SURF2: variants seen among roughly 807,000 people sequenced by gnomAD.
SURF2 encodes surfeit locus protein 2.
SURF2 carries 32 observed loss-of-function variants against 26.2 expected under a neutral mutation model. That is an observed-to-expected ratio of 1.22 (90% confidence interval 0.92 to 1.64). The LOEUF (loss-of-function observed/expected upper bound fraction) is 1.64, where lower values mean the gene tolerates loss of function less well. Ranked by LOEUF, SURF2 falls within the 40% of genes most tolerant of loss-of-function variation. The pLI is 0.00. For missense variants in SURF2, 415 were observed against 341.6 expected (o/e 1.21, Z -1.69); for synonymous variants, 173 against 139.1 (o/e 1.24, Z -1.71).
intron 5 of SURF2, 78 bp downstream of exon 5, chr9:133,360,512 C>T (rs1476037640): frequency 7.0e-7 from 1 of 1,427,112 alleles, no homozygotes; most frequent in Non-Finnish European, 9.2e-7. Flanking sequence ...AAAAAGAAAA[C>T]TGAACCTTTT....
chr9:133,359,485 A>C (rs2130042409), intron 3 of SURF2, among the ~76,000 whole-genome samples: 17 of 152,184 alleles, frequency 1.1e-4, no homozygotes, highest in Admixed American at 2.0e-4. Context: ...TCACCCACTA[A>C]GGGGCAGCAA....
chr9:133,356,930 C>T lies in SURF2; in HGVS notation c.95C>T (p.Thr32Ile). The T allele has an allele frequency of 6.4e-7, 1 of 1,563,082 alleles. No homozygotes were observed. Among genetic ancestry groups the T allele is most frequent in the South Asian group, 1.2e-5 (1 of 85,092 alleles). ...TDARKVRCIL[T>I]GHELPCRLPE... Reference sequence around the variant, plus strand: ...CGTCCGCAGGTGAGGTGCATCCTGACAGGTCACGAGCTGCCCTGCCGCCTG... The same window carrying T: ...CGTCCGCAGGTGAGGTGCATCCTGATAGGTCACGAGCTGCCCTGCCGCCTG... Residue 32 changes from threonine (T) to isoleucine (I), a missense_variant, in exon 2 of 6, where the codon ACA becomes ATA. Transcript: ENST00000371964.
At chr9:133,359,467 C>G (rs2130042307) in intron 3 of SURF2, among the ~76,000 whole-genome samples, 1 of 152,242 alleles carries the variant, frequency 6.6e-6, no homozygotes, top group Non-Finnish European at 1.5e-5. Context: ...CTTGTCCCAA[C>G]TCCCTTCTCA....
chr9:133,359,744 C>T (rs1386331012), intron 3 of SURF2, among the ~76,000 whole-genome samples: 1 of 152,238 alleles, frequency 6.6e-6, no homozygotes, highest in Non-Finnish European at 1.5e-5. Context: ...CTACCATCTT[C>T]TTGCCTCCTG....
At chr9:133,356,779 A>AGCAGGAGAGAGGGGAGG (rs1836610889) in intron 1 of SURF2, 109 bp downstream of exon 1, 2 of 1,177,682 alleles carry the variant, frequency 1.7e-6, no homozygotes, top group South Asian at 3.1e-5. Context: ...GAGAGGGGAG[A>AGCAGGAGAGAGGGGAGG]GCAGGAGAGA....
chr9:133,360,423 A>T lies in SURF2; in HGVS notation c.676A>T (p.Lys226Ter). 1 of 1,607,974 alleles carries T rather than the reference A, an allele frequency of 6.2e-7. No individual in the cohort carries two copies. Among genetic ancestry groups the T allele is most frequent in the Non-Finnish European group, 8.5e-7 (1 of 1,178,986 alleles). ...ETTVYRGLVQ[K>*]RGKKQLGSLK... ...GACCGTGTACCGAGGGCTGGTCCAG[A>T]AGCGCGGGAAGGTGAGCTGTCACCT... The change falls in exon 5 of 6, where the codon AAG (lysine) becomes TAG (stop). Residue 226 changes from lysine to a stop codon, truncating the protein, a stop_gained. Coordinates refer to ENST00000371964, the MANE Select transcript of SURF2 (RefSeq NM_017503.5). LOFTEE classifies it low-confidence loss of function (END_TRUNC).
In SURF2 at chr9:133,356,964, C is replaced by G; in HGVS notation, c.129C>G (p.Leu43=). The G allele has an allele frequency of 1.3e-6, 2 of 1,570,248 alleles. No individual in the cohort carries two copies. The highest frequency in any genetic ancestry group is 8.6e-7 in the Non-Finnish European group (1 of 1,158,206). ...GHELPCRLPE[L]QVYTRGKKYQ... ...AGCTGCCCTGCCGCCTGCCGGAGCT[C>G]CAGGTCTACACCCGCGGCAAAAAGT... Residue 43 remains leucine (L), a synonymous_variant, in exon 2 of 6, where the codon CTC becomes CTG. Transcript: ENST00000371964.
At position 133,360,977 on chromosome 9, in the gene SURF2, G is replaced by C. The variant is rs1383138904; in HGVS notation, c.688-79G>C. ...CCGACACCTCTGAGGCTGTGTGGGT[G>C]GGGAGAGCCCTGCACTCCAGGGCCC... On this transcript the variant is annotated intron_variant, in intron 5 of 5. Coordinates refer to ENST00000371964, the MANE Select transcript of SURF2 (RefSeq NM_017503.5). The C allele has an allele frequency of 2.1e-6, 3 of 1,437,616 alleles. No homozygotes were observed. The African/African-American group carries it at 4.2e-5, about 20-fold the overall frequency. The allele number at this position is 1,437,616 out of a possible 1,614,324, so 89.1% of individuals were successfully genotyped here.
In SURF2 at chr9:133,361,072, T is replaced by C. The variant is rs1357861447; in HGVS notation, c.704T>C (p.Leu235Ser). Residue 235 changes from leucine (L) to serine (S), a missense_variant, in exon 6 of 6, where the codon TTG (leucine) becomes TCG (serine). Transcript: ENST00000371964. ...QKRGKKQLGS[L>S]KKKFKSHHRK... ...ATCCCACAGAAGCAGTTGGGCTCGT[T>C]GAAAAAGAAGTTCAAGAGTCATCAC... is the stretch of plus-strand genomic sequence containing the variant. The C allele has an allele frequency of 8.7e-6, 14 of 1,613,972 alleles. No individual in the cohort carries two copies. Among genetic ancestry groups the C allele is most frequent in the Admixed American group, 3.3e-5 (2 of 59,992 alleles).
At chr9:133,357,935 G>GT in intron 3 of SURF2, 121 bp downstream of exon 3, 1 of 921,350 alleles carries the variant, frequency 1.1e-6, no homozygotes, top group Non-Finnish European at 1.7e-6. Context: ...CATCAGGCCT[G>GT]TTTTTTGGCA....
At chr9:133,359,905 G>C (rs368417666) in intron 3 of SURF2, 45 bp from the exon 4 acceptor site, 2 of 1,559,926 alleles carry the variant, frequency 1.3e-6, no homozygotes, top group African/African-American at 2.7e-5. Context: ...CCAGAGGACC[G>C]TGGGGGGTGT....
Sources: allele counts gnomAD v4.1 joint callset (sites outside exome capture counted in the v4.1 genomes callset), GRCh38; gene constraint gnomAD v4.1.1; transcripts MANE v1.5; gene names NCBI Gene and HGNC (gene_info 2026-07-23, HGNC 2026-07-21).